The following PRELID2 variants were observed in gnomAD, a reference collection of about 807,000 sequenced individuals.
The protein encoded by PRELID2 is PRELI domain containing 2, also known as PRELI domain-containing protein 2.
A neutral mutation model predicts 28.4 loss-of-function variants in PRELID2; 25 were observed. The ratio of observed to expected loss-of-function variants is 0.88; its 90% confidence interval spans 0.64 to 1.23. The LOEUF is 1.23. Ranked by LOEUF, PRELID2 falls within the 50% of genes most tolerant of loss-of-function variation. The probability of loss-of-function intolerance (pLI) is 0.00; values close to 1 mark genes in which losing one functional copy is unlikely to be tolerated. For missense variants in PRELID2, 201 were observed against 214.4 expected (o/e 0.94, Z 0.39); for synonymous variants, 76 against 71.6 (o/e 1.06, Z -0.31).
intron 1 of PRELID2, among the ~76,000 whole-genome samples, chr5:145,681,185 A>C (rs76962858): frequency 0.029 from 4,412 of 152,338 alleles, 239 homozygotes; most frequent in African/African-American, 0.1. Flanking sequence ...TAATGTCCAC[A>C]GTAGGCAGGA....
intron 1 of PRELID2, among the ~76,000 whole-genome samples, chr5:145,599,475 T>C (rs981848359): frequency 4.6e-5 from 7 of 152,162 alleles, no homozygotes; most frequent in African/African-American, 1.4e-4. Flanking sequence ...TCCATGAAGG[T>C]CCCAACTTCC....
chr5:145,619,983 C>G (rs1435103181), intron 1 of PRELID2, among the ~76,000 whole-genome samples: 2 of 152,228 alleles, frequency 1.3e-5, no homozygotes, highest in East Asian at 3.9e-4. Context: ...GAATGAGAAG[C>G]AATGGAAATC....
chr5:145,729,950 G>C (rs566231296), intron 1 of PRELID2, among the ~76,000 whole-genome samples: 2 of 152,290 alleles, frequency 1.3e-5, no homozygotes, highest in African/African-American at 4.8e-5. Flanking sequence ...GGTTGAAAGG[G>C]AGCATTGCAT....
At position 145,827,484 on chromosome 5, in the gene PRELID2, C is replaced by A. The variant is rs1021496204; in HGVS notation, c.76-4350G>T. 1.4e-4 allele frequency among the ~76,000 whole-genome samples: 22 copies of A among 152,254 alleles called. 1 individual carries two copies. The highest frequency in any genetic ancestry group is 5.3e-4 in the African/African-American group (22 of 41,554). ...CAAGACATGCAGACTACAACGCTGCCATCTGTGAGGTCGGGGTGATGAACC... is the reference window on the plus strand; with the variant it reads ...CAAGACATGCAGACTACAACGCTGCAATCTGTGAGGTCGGGGTGATGAACC... On this transcript the variant is annotated intron_variant, in intron 1 of 6. Coordinates refer to ENST00000683046, the MANE Select transcript of PRELID2 (RefSeq NM_205846.3).
intron 1 of PRELID2, among the ~76,000 whole-genome samples, chr5:145,561,688 T>G (rs1327386328): frequency 6.6e-6 from 1 of 152,174 alleles, no homozygotes; most frequent in Non-Finnish European, 1.5e-5. Flanking sequence ...AAACTAAAAC[T>G]AACTCACTGC....
chr5:145,657,826 A>C (rs544856591), intron 1 of PRELID2, among the ~76,000 whole-genome samples: 1 of 152,360 alleles, frequency 6.6e-6, no homozygotes, highest in Admixed American at 6.5e-5. Context: ...ACAAAGACTC[A>C]AAAAGACTAA....
At chr5:145,350,645 T>C in the PRELID2 span, among the ~76,000 whole-genome samples, 2 of 152,220 alleles carry the variant, frequency 1.3e-5, no homozygotes, top group South Asian at 2.1e-4. Flanking sequence ...TAAATATACA[T>C]GTCCACAGGT....
intron 1 of PRELID2, among the ~76,000 whole-genome samples, chr5:145,516,744 A>G (rs1752520236): frequency 6.6e-6 from 1 of 152,188 alleles, no homozygotes; most frequent in Admixed American, 6.5e-5. Flanking sequence ...ACTATACTAC[A>G]AGGCTCCAGT....
intron 1 of PRELID2, among the ~76,000 whole-genome samples, chr5:145,719,753 G>T (rs1344197234): frequency 1.3e-5 from 2 of 151,848 alleles, no homozygotes; most frequent in Admixed American, 6.6e-5. Context: ...CATTCAAAAT[G>T]ATAAAATTCC....
intron 1 of PRELID2, among the ~76,000 whole-genome samples, chr5:145,702,658 C>A (rs1228919655): frequency 6.6e-6 from 1 of 152,184 alleles, no homozygotes; most frequent in Non-Finnish European, 1.5e-5. Context: ...GAAGCACCCC[C>A]ATGCCCAGCA....
At chr5:145,740,737 A>C (rs1291465712) in intron 1 of PRELID2, among the ~76,000 whole-genome samples, 1 of 117,006 alleles carries the variant, frequency 8.5e-6, no homozygotes, top group Non-Finnish European at 1.6e-5. Flanking sequence ...TAAATATTAT[A>C]TATAAATATA....
chr5:145,803,834 A>G (rs1162801214), intron 4 of PRELID2, among the ~76,000 whole-genome samples: 4 of 151,784 alleles, frequency 2.6e-5, no homozygotes, highest in African/African-American at 7.3e-5. Context: ...ATTAACTTCT[A>G]GGTGGAACTC....
intron 1 of PRELID2, among the ~76,000 whole-genome samples, chr5:145,663,371 T>C (rs553815642): frequency 2.6e-5 from 4 of 152,232 alleles, no homozygotes; most frequent in East Asian, 3.9e-4. Flanking sequence ...ATTTGAGATA[T>C]ATTTGCCATC....
At chr5:145,697,078 T>TAA in intron 1 of PRELID2, among the ~76,000 whole-genome samples, 1 of 98,910 alleles carries the variant, frequency 1.0e-5, no homozygotes, top group African/African-American at 5.1e-5. Flanking sequence ...TATATATATA[T>TAA]ATACACACAC....
intron 1 of PRELID2, among the ~76,000 whole-genome samples, chr5:145,691,827 C>A (rs1755156420): frequency 6.6e-6 from 1 of 152,080 alleles, no homozygotes; most frequent in Admixed American, 6.6e-5. Flanking sequence ...CAAGATTGAC[C>A]AGAAGAAGGG....
At chr5:145,372,779 AT>A in the PRELID2 span, among the ~76,000 whole-genome samples, 2 of 149,544 alleles carry the variant, frequency 1.3e-5, no homozygotes, top group Admixed American at 1.4e-4. Flanking sequence ...TGGCATACCA[AT>A]GGGTCTTGAC....
At chr5:145,566,520 A>G (rs1268025857) in intron 1 of PRELID2, among the ~76,000 whole-genome samples, 1 of 152,180 alleles carries the variant, frequency 6.6e-6, no homozygotes, top group Non-Finnish European at 1.5e-5. Context: ...AAAAGATACA[A>G]GGAGAATAAT....
At chr5:145,337,697 A>G in the PRELID2 span, among the ~76,000 whole-genome samples, 95 of 20,552 alleles carry the variant, frequency 4.6e-3, no homozygotes, top group Non-Finnish European at 6.3e-3. Context: ...ATATATATAT[A>G]TATATATATA....
chr5:145,788,182 C>A (rs545023905), intron 5 of PRELID2, among the ~76,000 whole-genome samples: 2 of 143,804 alleles, frequency 1.4e-5, no homozygotes, highest in Non-Finnish European at 2.9e-5. Flanking sequence ...GTATATGAAG[C>A]CTTTCATGTG....
Sources: gnomAD v4.1 joint callset for allele counts (sites outside exome capture counted in the v4.1 genomes callset) on GRCh38, gnomAD v4.1.1 for gene constraint, MANE v1.5 for transcripts, NCBI Gene and HGNC (gene_info 2026-07-23, HGNC 2026-07-21) for gene names.